The following SLC22A15 variants were observed in gnomAD, a reference collection of about 807,000 sequenced individuals.
SLC22A15 encodes the protein solute carrier family 22 member 15.
A neutral mutation model predicts 62.7 loss-of-function variants in SLC22A15; 45 were observed. The ratio of observed to expected loss-of-function variants is 0.72; its 90% CI spans 0.56 to 0.92. The LOEUF (loss-of-function observed/expected upper bound fraction) is 0.92, where lower values mean the gene tolerates loss of function less well. Among genes scored for constraint, SLC22A15 ranks in the 40% least tolerant of loss-of-function variants. The probability of loss-of-function intolerance (pLI) is 0.00; values close to 1 mark genes in which losing one functional copy is unlikely to be tolerated. For synonymous variants in SLC22A15, 264 were observed against 267.0 expected (o/e 0.99, Z 0.11); for missense variants, 622 against 665.6 (o/e 0.93, Z 0.72).
At chr1:116,016,421 T>C (rs918406322) in intron 2 of SLC22A15, among the ~76,000 whole-genome samples, 3 of 152,104 alleles carry the variant, frequency 2.0e-5, no homozygotes, top group African/African-American at 7.2e-5. Context: ...TAGACATGTT[T>C]TCGCCATGTT....
intron 8 of SLC22A15, among the ~76,000 whole-genome samples, chr1:116,044,562 A>G (rs1657879349): frequency 6.6e-6 from 1 of 152,240 alleles, no homozygotes; most frequent in East Asian, 1.9e-4. Context: ...ATAAAAAGAA[A>G]TTAAAGGGAT....
intron 2 of SLC22A15, among the ~76,000 whole-genome samples, chr1:116,006,463 G>T (rs1411183983): frequency 1.3e-5 from 2 of 152,166 alleles, no homozygotes; most frequent in African/African-American, 4.8e-5. Flanking sequence ...GGCTTCCTTG[G>T]CAAGTGCTGA....
intron 8 of SLC22A15, 139 bp downstream of exon 8, chr1:116,037,527 G>A (rs905797854): frequency 3.0e-6 from 2 of 669,804 alleles, no homozygotes; most frequent in African/African-American, 1.8e-5. Flanking sequence ...GATATAATGG[G>A]CCAGATTCTT....
intron 2 of SLC22A15, among the ~76,000 whole-genome samples, chr1:115,996,899 T>G (rs1233752936): frequency 6.6e-6 from 1 of 152,116 alleles, no homozygotes; most frequent in East Asian, 1.9e-4. Context: ...TCTTTGGGAT[T>G]TTCTTGACAG....
intron 8 of SLC22A15, among the ~76,000 whole-genome samples, chr1:116,061,735 TA>T (rs1658385037): frequency 6.6e-6 from 1 of 151,288 alleles, no homozygotes; most frequent in African/African-American, 2.4e-5. Flanking sequence ...ATAATGTTAA[TA>T]AAGGAAAAAA....
chr1:116,017,369 A>AG (rs35559374), intron 2 of SLC22A15: 1 of 46,690 alleles, frequency 2.1e-5, no homozygotes, highest in African/African-American at 1.6e-4. Flanking sequence ...AAACCCTGCC[A>AG]AAAAAAAAAA....
chr1:116,016,845 A>G (rs1423673300), intron 2 of SLC22A15, among the ~76,000 whole-genome samples: 1 of 152,106 alleles, frequency 6.6e-6, no homozygotes, highest in Admixed American at 6.5e-5. Flanking sequence ...AGTTCTCTCC[A>G]TCACCACTGT....
At chr1:116,014,170 C>T (rs1317023739) in intron 2 of SLC22A15, 1 of 152,242 alleles carries the variant, frequency 6.6e-6, no homozygotes, top group East Asian at 1.9e-4. Context: ...TCTCAACCCC[C>T]TTCACTTCTG....
intron 8 of SLC22A15, among the ~76,000 whole-genome samples, chr1:116,047,043 G>T (rs921218955): frequency 2.0e-5 from 3 of 152,120 alleles, no homozygotes; most frequent in Non-Finnish European, 4.4e-5. Context: ...CCCACCCACT[G>T]CTGGTTCCTC....
intron 1 of SLC22A15, among the ~76,000 whole-genome samples, chr1:115,984,927 G>A (rs1654785468): frequency 1.3e-5 from 2 of 152,196 alleles, no homozygotes; most frequent in Admixed American, 1.3e-4. Context: ...TAATGTGTTT[G>A]TGTTTTTAGC....
chr1:116,035,165 G>A (rs754090074), intron 6 of SLC22A15, 22 bp from the exon 7 acceptor site: 1 of 1,604,766 alleles, frequency 6.2e-7, no homozygotes, highest in African/African-American at 1.3e-5. Context: ...TTACCTCCTG[G>A]TCCTTTGACT....
chr1:116,005,000 G>T (rs1655906800), intron 2 of SLC22A15, among the ~76,000 whole-genome samples: 1 of 152,114 alleles, frequency 6.6e-6, no homozygotes, highest in Admixed American at 6.5e-5. Flanking sequence ...GATATTTTCA[G>T]GGTCTGAAAT....
chr1:116,064,886 C>T (rs1658460890), intron 10 of SLC22A15, among the ~76,000 whole-genome samples: 1 of 152,074 alleles, frequency 6.6e-6, no homozygotes, highest in African/African-American at 2.4e-5. Flanking sequence ...AAGAGGAAGG[C>T]ATTGTTGTTA....
intron 2 of SLC22A15, among the ~76,000 whole-genome samples, chr1:116,007,184 C>T (rs567188161): frequency 1.5e-4 from 23 of 152,112 alleles, no homozygotes; most frequent in Non-Finnish European, 2.8e-4. Context: ...AAATAGTGAC[C>T]CTCAGTCTCC....
chr1:116,024,327 C>T (rs540430550), intron 4 of SLC22A15, among the ~76,000 whole-genome samples: 10 of 152,154 alleles, frequency 6.6e-5, no homozygotes, highest in Non-Finnish European at 8.8e-5. Context: ...TTACTGGTAC[C>T]GTTTACAAAA....
At chr1:115,996,705 GATCTTA>G (rs948222348) in intron 2 of SLC22A15, among the ~76,000 whole-genome samples, 1 of 40,576 alleles carries the variant, frequency 2.5e-5, no homozygotes, top group African/African-American at 4.7e-5. Context: ...TGTATCCTTT[GATCTTA>G]ATCTTGTATT....
rs575779502 is a variant in SLC22A15 at position 116,029,364 on chromosome 1, G to A, written c.729-2002G>A. ...ATATTCATGGAGCGGTTTTGAGTTG[G>A]GCAACATTGTTAAATTAGCATTTTA... On this transcript the variant is annotated intron_variant, in intron 5 of 11. Transcript: ENST00000369503. 3.3e-5 allele frequency among the ~76,000 whole-genome samples: 5 copies of A among 152,180 alleles called. No homozygotes were observed. In the South Asian group the frequency reaches 1.0e-3, roughly 32 times the overall value.
chr1:116,065,279 A>G (rs1246202772), intron 10 of SLC22A15, among the ~76,000 whole-genome samples: 3 of 151,936 alleles, frequency 2.0e-5, no homozygotes, highest in Non-Finnish European at 2.9e-5. Context: ...TAACCTTTTC[A>G]TTTTCTGAGG....
At chr1:116,011,431 T>C (rs1038121677) in intron 2 of SLC22A15, among the ~76,000 whole-genome samples, 6 of 152,166 alleles carry the variant, frequency 3.9e-5, no homozygotes, top group Non-Finnish European at 8.8e-5. Flanking sequence ...ATTAGGTAGT[T>C]CCCTGTATGC....
Sources: allele counts gnomAD v4.1 joint callset (sites outside exome capture counted in the v4.1 genomes callset), GRCh38; gene constraint gnomAD v4.1.1; transcripts MANE v1.5; gene names NCBI Gene and HGNC (gene_info 2026-07-23, HGNC 2026-07-21).